Variants in TRAF3 observed in about 807,000 individuals in gnomAD.
TRAF3 encodes the protein TNF receptor-associated factor 3.
A neutral mutation model predicts 62.3 loss-of-function variants in TRAF3; 13 were observed. That is an observed-to-expected ratio of 0.21 (90% CI 0.14 to 0.33). The LOEUF is 0.33. TRAF3 is among the 10% of genes least tolerant of loss of function. The pLI, the probability that TRAF3 is intolerant of heterozygous loss-of-function variation, is 1.00. For missense variants in TRAF3, 440 were observed against 741.8 expected, an observed-to-expected ratio of 0.59 and a Z score of 4.73; for synonymous variants, 269 against 283.4, an observed-to-expected ratio of 0.95 and a Z score of 0.51.
In TRAF3 at chr14:102,908,098, T is replaced by C. The variant is rs1262245412; in HGVS notation, c.*2314T>C. Reference sequence around the variant, plus strand: ...AAGGATATGCAACATCTTGGTCTAGTAAGAACCGTTTCCTCCCCTCTGGGT... The same window carrying C: ...AAGGATATGCAACATCTTGGTCTAGCAAGAACCGTTTCCTCCCCTCTGGGT... On this transcript the variant is annotated 3_prime_UTR_variant, in exon 12 of 12. Transcript: ENST00000392745. 1 of 152,310 alleles carries C rather than the reference T, an allele frequency of 6.6e-6. No homozygotes were observed. The highest frequency in any genetic ancestry group is 2.4e-5 in the African/African-American group (1 of 41,482). 9.4% of individuals were successfully genotyped at this position (152,310 alleles called of 1,614,324 possible). A position where few individuals can be genotyped will look rare whatever the true frequency, so the allele number is the denominator to read the frequency against.
chr14:102,902,910 G>A (rs1226946549), intron 10 of TRAF3, among the ~76,000 whole-genome samples: 1 of 152,220 alleles, frequency 6.6e-6, no homozygotes, highest in East Asian at 1.9e-4. Flanking sequence ...CAGAGACAGT[G>A]GAGACCTCTC....
At chr14:102,844,821 G>C (rs1204738037) in intron 2 of TRAF3, among the ~76,000 whole-genome samples, 1 of 151,906 alleles carries the variant, frequency 6.6e-6, no homozygotes, top group South Asian at 2.1e-4. Context: ...CGGGAGGGTT[G>C]CTTGAGGCCA....
chr14:102,897,171 A>C, intron 9 of TRAF3, 90 bp from the exon 10 acceptor site: 4 of 1,152,676 alleles, frequency 3.5e-6, no homozygotes, highest in Non-Finnish European at 5.0e-6. Flanking sequence ...AGCTAACAGA[A>C]GGCCTATATT....
intron 9 of TRAF3, chr14:102,894,946 T>C (rs1889923688): frequency 2.8e-6 from 1 of 353,012 alleles, no homozygotes; most frequent in African/African-American, 2.1e-5. Flanking sequence ...AAGTGGTCCG[T>C]CTGCCTCAGC....
chr14:102,872,817 G>A (rs1202960063), intron 4 of TRAF3, among the ~76,000 whole-genome samples: 2 of 151,684 alleles, frequency 1.3e-5, no homozygotes, highest in Non-Finnish European at 2.9e-5. Flanking sequence ...GCAGCCTCCC[G>A]AGTAGCTGGG....
At position 102,884,513 on chromosome 14, in the gene TRAF3, C is replaced by G. The variant is rs1165764529; in HGVS notation, c.571-1676C>G. Among the ~76,000 whole-genome samples the G allele has an allele frequency of 2.0e-5, 3 of 151,986 alleles. No individual in the cohort carries two copies. The East Asian group carries it at 5.8e-4, about 29-fold the overall frequency. ...ATAGAGAAATAGAAATGATTAATATCAAAAATATGCTTAAGACTGGGTGCA... is the reference window on the plus strand; with the variant it reads ...ATAGAGAAATAGAAATGATTAATATGAAAAATATGCTTAAGACTGGGTGCA... On this transcript the variant is annotated intron_variant, in intron 6 of 11. Coordinates refer to ENST00000392745, the MANE Select transcript of TRAF3 (RefSeq NM_145725.3).
intron 5 of TRAF3, among the ~76,000 whole-genome samples, chr14:102,875,949 C>G (rs569158800): frequency 3.9e-5 from 6 of 152,168 alleles, no homozygotes; most frequent in South Asian, 2.1e-4. Flanking sequence ...AACACTCCCC[C>G]CCCTACTTAG....
intron 1 of TRAF3, among the ~76,000 whole-genome samples, chr14:102,780,552 C>T (rs1175559302): frequency 1.3e-5 from 2 of 150,192 alleles, no homozygotes; most frequent in African/African-American, 2.5e-5. Context: ...AGCTTATTGT[C>T]GGCCTGTACA....
At position 102,831,863 on chromosome 14, in the gene TRAF3, A is replaced by G. The variant is rs1215720410; in HGVS notation, c.-18+1391A>G. On this transcript the variant is annotated intron_variant, in intron 2 of 11. Coordinates refer to ENST00000392745, the MANE Select transcript of TRAF3 (RefSeq NM_145725.3). ...TTGCAGCTTCATATCTTGTAAAACA[A>G]ATTCATTTCTTGCTTTCAGATTTGC... is the stretch of plus-strand genomic sequence containing the variant. Among the ~76,000 whole-genome samples, 4 of 152,180 alleles carry G rather than the reference A, an allele frequency of 2.6e-5. No homozygotes were observed. The East Asian group carries it at 7.7e-4, about 29-fold the overall frequency.
At chr14:102,820,096 C>T (rs1396552285) in intron 1 of TRAF3, among the ~76,000 whole-genome samples, 1 of 152,184 alleles carries the variant, frequency 6.6e-6, no homozygotes, top group Admixed American at 6.5e-5. Context: ...CCCGGCAGGT[C>T]CTGTTGTTCT....
At chr14:102,860,374 G>A (rs1342141263) in intron 2 of TRAF3, among the ~76,000 whole-genome samples, 1 of 152,112 alleles carries the variant, frequency 6.6e-6, no homozygotes, top group East Asian at 1.9e-4. Context: ...GGTTCCATGA[G>A]GAAAATAGAG....
At chr14:102,827,704 G>A (rs937296620) in intron 1 of TRAF3, among the ~76,000 whole-genome samples, 1 of 152,140 alleles carries the variant, frequency 6.6e-6, no homozygotes, top group Non-Finnish European at 1.5e-5. Flanking sequence ...ACTTAGTATT[G>A]CATGAATGAA....
chr14:102,853,237 G>T (rs1351884987), intron 2 of TRAF3, among the ~76,000 whole-genome samples: 1 of 151,744 alleles, frequency 6.6e-6, no homozygotes, highest in Non-Finnish European at 1.5e-5. Flanking sequence ...GTTTTGCTGT[G>T]TTGCCAAGGC....
rs923916803 is a variant in TRAF3, at chr14:102,826,236, T to G, written c.-156-4098T>G. Reference sequence around the variant, plus strand: ...TCCTGGCTCTTCTGCTTGAACTGACTGTGCCTCAGCATCCTCGTCTGTCTG... The same window carrying G: ...TCCTGGCTCTTCTGCTTGAACTGACGGTGCCTCAGCATCCTCGTCTGTCTG... On this transcript the variant is annotated intron_variant, in intron 1 of 11. Coordinates refer to ENST00000392745, the MANE Select transcript of TRAF3 (RefSeq NM_145725.3). This position sits in a 1 kb window ranked among gnomAD's most constrained non-coding sequence, Gnocchi z 4.6. Among the ~76,000 whole-genome samples, 2 of 152,072 alleles carry G rather than the reference T, an allele frequency of 1.3e-5. No homozygotes were observed. Among genetic ancestry groups the G allele is most frequent in the African/African-American group, 4.8e-5 (2 of 41,412 alleles).
intron 1 of TRAF3, among the ~76,000 whole-genome samples, chr14:102,819,420 G>A (rs1899758102): frequency 2.0e-5 from 3 of 152,240 alleles, no homozygotes; most frequent in South Asian, 2.1e-4. Context: ...GGGCAGGCAC[G>A]GCAGTCTTGC....
In TRAF3 at chr14:102,884,400, A is replaced by G. The variant is rs565545062; in HGVS notation, c.571-1789A>G. 2.6e-5 allele frequency among the ~76,000 whole-genome samples: 4 copies of G among 152,356 alleles called. No homozygotes were observed. In the East Asian group the frequency reaches 5.8e-4, roughly 22 times the overall value. ...TCACATTCTGAGGTTCCAGATAGAC[A>G]TGAATTTTGGAGGACATTATTGAAC... On this transcript the variant is annotated intron_variant, in intron 6 of 11. Coordinates refer to ENST00000392745, the MANE Select transcript of TRAF3 (RefSeq NM_145725.3).
intron 6 of TRAF3, 75 bp downstream of exon 6, chr14:102,876,600 C>T (rs986310424): frequency 4.6e-5 from 72 of 1,559,706 alleles, no homozygotes; most frequent in South Asian, 1.6e-4. Context: ...CCGCTCAATT[C>T]GTAGATAATC....
intron 9 of TRAF3, chr14:102,895,019 A>G: frequency 2.2e-6 from 1 of 453,906 alleles, no homozygotes; most frequent in Non-Finnish European, 4.4e-6. Flanking sequence ...AATGTTTTGG[A>G]GACATTACTG....
chr14:102,793,483 T>C (rs1273158598), intron 1 of TRAF3, among the ~76,000 whole-genome samples: 1 of 152,218 alleles, frequency 6.6e-6, no homozygotes, highest in African/African-American at 2.4e-5. Context: ...TGCATCATGT[T>C]TCTTCAGAAT....
Sources: gnomAD v4.1 joint callset for allele counts (sites outside exome capture counted in the v4.1 genomes callset) on GRCh38, gnomAD v4.1.1 for gene constraint, Gnocchi (gnomAD v3.1) non-coding constraint, MANE v1.5 for transcripts, NCBI Gene and HGNC (gene_info 2026-07-23, HGNC 2026-07-21) for gene names.